The following POLR2B variants were observed in gnomAD, a reference collection of about 807,000 sequenced individuals.
The protein encoded by POLR2B is DNA-directed RNA polymerase II subunit RPB2.
In POLR2B, 57 loss-of-function variants were observed where a neutral mutation model predicts 144.6. The ratio of observed to expected loss-of-function variants is 0.39; its 90% CI spans 0.32 to 0.49. The LOEUF (loss-of-function observed/expected upper bound fraction) is 0.49. Among genes scored for constraint, POLR2B ranks in the 20% least tolerant of loss-of-function variants. The pLI, the probability that POLR2B is intolerant of heterozygous loss-of-function variation, is 0.83. For synonymous variants in POLR2B, 442 were observed against 469.8 expected, an observed-to-expected ratio of 0.94 and a Z score of 0.77; for missense variants, 595 against 1,467.4, an observed-to-expected ratio of 0.41 and a Z score of 9.71.
intron 3 of POLR2B, among the ~76,000 whole-genome samples, chr4:56,993,765 T>C (rs1722593802): frequency 6.6e-6 from 1 of 152,222 alleles, no homozygotes; most frequent in South Asian, 2.1e-4. Context: ...AAAATCTTTT[T>C]CTTTTGTTAA....
Position 57,028,936 on chromosome 4 carries a change from T to C in POLR2B, c.3240-1268T>C, listed in dbSNP as rs573604275. ...TTGATTGATAGTGTCTCATAAGTCC[T>C]TTTTTGAATTTATTGGTTGCCTTCC... On this transcript the variant is annotated intron_variant, in intron 23 of 24. Coordinates refer to ENST00000314595, the MANE Select transcript of POLR2B (RefSeq NM_000938.3). Among the ~76,000 whole-genome samples, 9 of 152,338 alleles carry C rather than the reference T, an allele frequency of 5.9e-5. No individual in the cohort carries two copies. In the South Asian group the frequency reaches 1.7e-3, roughly 28 times the overall value.
At chr4:56,979,896 C>CA (rs61576956) in intron 1 of POLR2B, among the ~76,000 whole-genome samples, 26,849 of 136,990 alleles carry the variant, frequency 0.2, 2,894 homozygotes, top group East Asian at 0.39. Context: ...TAGACTGTCT[C>CA]AAAAAAAAAA....
At chr4:57,025,825 GC>G (rs1486328800) in intron 23 of POLR2B, among the ~76,000 whole-genome samples, 1 of 152,062 alleles carries the variant, frequency 6.6e-6, no homozygotes, top group Admixed American at 6.6e-5. Flanking sequence ...TCCTACCTTA[GC>G]CTCCCAAGTA....
chr4:56,983,295 C>T (rs1220297109), intron 1 of POLR2B, among the ~76,000 whole-genome samples: 1 of 148,228 alleles, frequency 6.7e-6, no homozygotes, highest in African/African-American at 2.5e-5. Flanking sequence ...TGGTAGGATT[C>T]TTTCTTGACT....
intron 9 of POLR2B, 101 bp downstream of exon 9, chr4:57,005,820 G>A: frequency 1.9e-6 from 2 of 1,048,030 alleles, no homozygotes; most frequent in South Asian, 3.6e-5. Flanking sequence ...CATCCACGTT[G>A]GGTACTTATG....
intron 13 of POLR2B, among the ~76,000 whole-genome samples, chr4:57,014,748 T>A (rs1173749888): frequency 2.8e-5 from 4 of 140,778 alleles, no homozygotes; most frequent in Non-Finnish European, 6.2e-5. Flanking sequence ...TCGTGATCCA[T>A]CCACCTCGGC....
chr4:57,030,189 T>A lies in POLR2B; in HGVS notation c.3240-15T>A, dbSNP rs772123723. 58 of 1,604,632 alleles carry A rather than the reference T, an allele frequency of 3.6e-5. No homozygotes were observed. In the East Asian group the frequency reaches 1.3e-3, roughly 36 times the overall value. ...AAAAAATAAGTACAAAGTAATAATT[T>A]TTTTCTCTTAACAGTGATGGTGGCC... is the stretch of plus-strand genomic sequence containing the variant. On this transcript the variant is annotated splice_polypyrimidine_tract_variant and intron_variant, in intron 23 of 24. Transcript: ENST00000314595.
At chr4:57,002,292 G>T (rs2109676349) in intron 7 of POLR2B, among the ~76,000 whole-genome samples, 1 of 152,276 alleles carries the variant, frequency 6.6e-6, no homozygotes, top group South Asian at 2.1e-4. Flanking sequence ...GGCTCCTGAA[G>T]TGCTGGGATT....
intron 7 of POLR2B, among the ~76,000 whole-genome samples, chr4:57,004,685 A>G: frequency 6.6e-6 from 1 of 152,112 alleles, no homozygotes; most frequent in East Asian, 1.9e-4. Flanking sequence ...AAAGAAACGC[A>G]CCACTCTTTT....
chr4:57,005,546 A>C, intron 8 of POLR2B, 54 bp from the exon 9 acceptor site: 2 of 1,539,066 alleles, frequency 1.3e-6, no homozygotes, highest in Non-Finnish European at 1.7e-6. Context: ...ATCAAAAAAA[A>C]GTCCAAAACT....
In POLR2B at chr4:57,025,015, T is replaced by C. The variant is rs376200397; in HGVS notation, c.3078+16T>C. 9 of 1,258,016 alleles carry C rather than the reference T, an allele frequency of 7.2e-6. No individual in the cohort carries two copies. The highest frequency in any genetic ancestry group is 6.0e-5 in the African/African-American group (4 of 66,754). The allele number at this position is 1,258,016 out of a possible 1,614,324, so 77.9% of individuals were successfully genotyped here. On this transcript the variant is annotated intron_variant, in intron 22 of 24. Transcript: ENST00000314595. The stretch of plus-strand genomic sequence containing the variant: ...AGGAAATGAGGTATATTTGCTCTTA[T>C]AGTAGTAATTTGCCACTTGTTTTTT...
chr4:56,991,146 A>G (rs1722498433), intron 3 of POLR2B, among the ~76,000 whole-genome samples: 1 of 152,230 alleles, frequency 6.6e-6, no homozygotes, highest in Admixed American at 6.5e-5. Context: ...AATATGAACA[A>G]ATAAGAGAAG....
At chr4:57,004,527 C>T (rs748282455) in intron 7 of POLR2B, among the ~76,000 whole-genome samples, 4 of 152,056 alleles carry the variant, frequency 2.6e-5, no homozygotes, top group South Asian at 2.1e-4. Flanking sequence ...CCCCACCCCA[C>T]GCAGGCCAAA....
Position 57,017,304 on chromosome 4 carries a change from A to G in POLR2B, c.2154+63A>G. On this transcript the variant is annotated intron_variant, in intron 15 of 24. Coordinates refer to ENST00000314595, the MANE Select transcript of POLR2B (RefSeq NM_000938.3). This position sits in a 1 kb window ranked among gnomAD's most constrained non-coding sequence, Gnocchi z 4.8. ...GGAGAAGTAATAAAAATTGAAAGTA[A>G]CTCTGTAGTCTTATCTGGAGGGAAA... is the stretch of plus-strand genomic sequence containing the variant. 8.3e-7 allele frequency: 1 copy of G among 1,208,934 alleles called. No homozygotes were observed. Among genetic ancestry groups the G allele is most frequent in the Non-Finnish European group, 1.2e-6 (1 of 830,986 alleles). The allele number at this position is 1,208,934 out of a possible 1,614,324, so 74.9% of individuals were successfully genotyped here.
At chr4:57,003,344 C>T (rs1009483787) in intron 7 of POLR2B, among the ~76,000 whole-genome samples, 5 of 151,994 alleles carry the variant, frequency 3.3e-5, no homozygotes, top group East Asian at 1.9e-4. Flanking sequence ...GCAGGAGAAT[C>T]GCTTGAACCT....
chr4:57,030,316 G>C lies in POLR2B; in HGVS notation c.3352G>C (p.Val1118Leu). 1 of 1,614,134 alleles carries C rather than the reference G, an allele frequency of 6.2e-7. No homozygotes were observed. The highest frequency in any genetic ancestry group is 8.5e-7 in the Non-Finnish European group (1 of 1,179,978). Residue 1118 changes from valine (V) to leucine (L), a missense_variant, in exon 24 of 25, where the codon GTT (valine) becomes CTT (leucine). Around this residue, in one of 9 missense-constraint regions of POLR2B, gnomAD observed 45 missense variants for 80.9 expected, o/e 0.56. Coordinates refer to ENST00000314595, the MANE Select transcript of POLR2B (RefSeq NM_000938.3). ...FEASDPYQVH[V>L]CNLCGIMAIA... ...GGCATCAGATCCATATCAGGTTCAT[G>C]TTTGCAATCTTTGTGGAATAATGGC...
chr4:57,005,295 C>A lies in POLR2B; in HGVS notation c.950C>A (p.Ala317Glu). ...EAFVIQEQNV[A>E]LNFIGSRGAK... ...TTTGTCATCCAAGAACAGAATGTTG[C>A]ACTAAATTTCATTGGTTCAAGAGGA... Residue 317 changes from alanine (A) to glutamate (E), a missense_variant, in exon 8 of 25, where the codon GCA (alanine) becomes GAA (glutamate). Ala to Glu is a moderately radical substitution (Grantham distance 107). Around this residue, in one of 9 missense-constraint regions of POLR2B, gnomAD observed 251 missense variants for 567.3 expected, o/e 0.44. Coordinates refer to ENST00000314595, the MANE Select transcript of POLR2B (RefSeq NM_000938.3). 6.3e-7 allele frequency: 1 copy of A among 1,597,848 alleles called. No homozygotes were observed. The highest frequency in any genetic ancestry group is 8.5e-7 in the Non-Finnish European group (1 of 1,174,436).
chr4:56,980,177 C>T (rs1011317480), intron 1 of POLR2B, among the ~76,000 whole-genome samples: 1 of 151,184 alleles, frequency 6.6e-6, no homozygotes. Context: ...CTGCCTGTCT[C>T]GGCCTCCCAA....
At chr4:57,016,020 G>T (rs1723355213) in intron 14 of POLR2B, among the ~76,000 whole-genome samples, 1 of 152,096 alleles carries the variant, frequency 6.6e-6, no homozygotes, top group South Asian at 2.1e-4. Context: ...CAGCCTCCCA[G>T]AGTGCTGGGA....
Sources: gnomAD v4.1 joint callset for allele counts (sites outside exome capture counted in the v4.1 genomes callset) on GRCh38, gnomAD v4.1.1 for gene constraint, gnomAD v4.1.1 regional missense constraint, Gnocchi (gnomAD v3.1) non-coding constraint, MANE v1.5 for transcripts, NCBI Gene and HGNC (gene_info 2026-07-23, HGNC 2026-07-21) for gene names.